CEP70: variants seen among roughly 807,000 people sequenced by gnomAD.
CEP70 encodes centrosomal protein 70.
Under a neutral mutation model 90.9 loss-of-function variants are expected in CEP70, and 70 were observed. That is an observed-to-expected ratio of 0.77 (90% CI 0.64 to 0.94). CEP70 has a LOEUF of 0.94. Ranked by LOEUF, CEP70 falls within the 40% of genes least tolerant of loss-of-function variation. CEP70 has a pLI of 0.00. For missense variants in CEP70, 648 were observed against 669.0 expected (o/e 0.97, Z 0.35); for synonymous variants, 220 against 228.3 (o/e 0.96, Z 0.33).
At chr3:138,560,259 G>T (rs1033481379) in intron 6 of CEP70, among the ~76,000 whole-genome samples, 2 of 152,168 alleles carry the variant, frequency 1.3e-5, no homozygotes, top group African/African-American at 4.8e-5. Flanking sequence ...AACACAAGGG[G>T]TTAGAGAACT....
chr3:138,498,125 C>T lies in CEP70; in HGVS notation c.1653-15G>A, dbSNP rs1214707084. 3 of 1,606,298 alleles carry T rather than the reference C, an allele frequency of 1.9e-6. No individual in the cohort carries two copies. The highest frequency in any genetic ancestry group is 2.6e-6 in the Non-Finnish European group (3 of 1,175,004). On this transcript the variant is annotated splice_polypyrimidine_tract_variant and intron_variant, in intron 16 of 17. Transcript: ENST00000264982. ...TGTAGATAATGCTGTTTAAAAAATG[C>T]ACAATTTAAACCTGATTTCTAACTT...
Position 138,529,368 on chromosome 3 carries a change from C to T in CEP70, c.780+7G>A. On this transcript the variant is annotated splice_region_variant and intron_variant, in intron 9 of 17. Transcript: ENST00000264982. ...AAAAGTATTTATTAGTTATGCAGTC[C>T]CCATACCATTAAAAGGCCTTTATAA... is the stretch of plus-strand genomic sequence containing the variant. The T allele has an allele frequency of 6.3e-7, 1 of 1,593,758 alleles. No individual in the cohort carries two copies.
chr3:138,574,844 C>G (rs2108185024), intron 2 of CEP70, among the ~76,000 whole-genome samples: 1 of 152,310 alleles, frequency 6.6e-6, no homozygotes, highest in South Asian at 2.1e-4. Context: ...TCCCACAGAC[C>G]TGCAGCTGAG....
In CEP70 at chr3:138,508,426, A is replaced by G. The variant is rs1204414899; in HGVS notation, c.1050+13T>C. 6.6e-7 allele frequency: 1 copy of G among 1,525,354 alleles called. No homozygotes were observed. The highest frequency in any genetic ancestry group is 2.3e-5 in the East Asian group (1 of 44,404). The allele number at this position is 1,525,354 out of a possible 1,614,324, so 94.5% of individuals were successfully genotyped here. On this transcript the variant is annotated intron_variant, in intron 12 of 17. Coordinates refer to ENST00000264982, the MANE Select transcript of CEP70 (RefSeq NM_024491.4). The stretch of plus-strand genomic sequence containing the variant: ...AACATCAGTCTTTTTGTCATGAAAA[A>G]TCAATTCAATACCTGAAAGTATCTC...
At chr3:138,548,111 C>A (rs2039353516) in intron 6 of CEP70, among the ~76,000 whole-genome samples, 1 of 152,044 alleles carries the variant, frequency 6.6e-6, no homozygotes, top group Non-Finnish European at 1.5e-5. Context: ...AATATGAATG[C>A]AAAAATCCTG....
chr3:138,496,121 G>T lies in CEP70; in HGVS notation c.1733-1045C>A, dbSNP rs1045143173. ...TATCCAGATCCCAGCCCTACTTAAG[G>T]TAAGCCACAATGGCAGGTTCTCTAG... On this transcript the variant is annotated intron_variant, in intron 17 of 17. Transcript: ENST00000264982. The T allele has an allele frequency of 3.0e-6, 3 of 985,222 alleles. No individual in the cohort carries two copies. The Admixed American group carries it at 1.8e-4, about 61-fold the overall frequency. 61.0% of individuals were successfully genotyped at this position (985,222 alleles called of 1,614,324 possible).
At chr3:138,549,919 G>A (rs189552186) in intron 6 of CEP70, among the ~76,000 whole-genome samples, 6 of 152,252 alleles carry the variant, frequency 3.9e-5, no homozygotes, top group Admixed American at 3.3e-4. Context: ...GTACCAGCCT[G>A]GAGCCTGGTA....
intron 2 of CEP70, among the ~76,000 whole-genome samples, chr3:138,578,760 T>C (rs1047866369): frequency 1.3e-5 from 2 of 152,194 alleles, no homozygotes; most frequent in Non-Finnish European, 2.9e-5. Context: ...TACATAAAAG[T>C]GAGCAAAGAA....
intron 6 of CEP70, among the ~76,000 whole-genome samples, chr3:138,540,064 C>G (rs368287089): frequency 1.3e-5 from 2 of 152,076 alleles, no homozygotes; most frequent in African/African-American, 2.4e-5. Context: ...ACTATGCATC[C>G]GACAAAGGTC....
At chr3:138,550,513 G>A (rs1371330253) in intron 6 of CEP70, among the ~76,000 whole-genome samples, 1 of 152,128 alleles carries the variant, frequency 6.6e-6, no homozygotes, top group Non-Finnish European at 1.5e-5. Context: ...ACAGGCATGT[G>A]CCACCACGCT....
intron 2 of CEP70, among the ~76,000 whole-genome samples, chr3:138,574,599 A>G (rs955338246): frequency 2.0e-5 from 3 of 152,224 alleles, no homozygotes; most frequent in Non-Finnish European, 4.4e-5. Flanking sequence ...TGGTTCTCCC[A>G]GCATGGTGTT....
At chr3:138,545,069 C>T (rs536152403) in intron 6 of CEP70, among the ~76,000 whole-genome samples, 2 of 152,114 alleles carry the variant, frequency 1.3e-5, no homozygotes, top group African/African-American at 4.8e-5. Flanking sequence ...ATTCTAATGT[C>T]TCCAACATAA....
intron 2 of CEP70, among the ~76,000 whole-genome samples, chr3:138,582,023 T>A (rs1225140709): frequency 6.6e-6 from 1 of 152,192 alleles, no homozygotes; most frequent in Non-Finnish European, 1.5e-5. Flanking sequence ...CAAACATGAA[T>A]GAGCAATAAG....
intron 13 of CEP70, among the ~76,000 whole-genome samples, chr3:138,504,155 A>C (rs80292569): frequency 0.17 from 26,114 of 152,114 alleles, 3,060 homozygotes; most frequent in Non-Finnish European, 0.26. Context: ...GATTGAGGAA[A>C]TACCATGATT....
chr3:138,570,311 T>A lies in CEP70; in HGVS notation c.465+7A>T. On this transcript the variant is annotated splice_region_variant and intron_variant, in intron 6 of 17. Coordinates refer to ENST00000264982, the MANE Select transcript of CEP70 (RefSeq NM_024491.4). The stretch of plus-strand genomic sequence containing the variant: ...TAACCATCATCTAAGAATTCATAAC[T>A]CAGTACCTGTAAAGTTTTCTGCTCC... The A allele has an allele frequency of 1.3e-6, 2 of 1,554,228 alleles. No homozygotes were observed. Among genetic ancestry groups the A allele is most frequent in the Non-Finnish European group, 1.7e-6 (2 of 1,148,520 alleles).
intron 2 of CEP70, among the ~76,000 whole-genome samples, chr3:138,575,027 A>C (rs970290885): frequency 6.6e-6 from 1 of 152,182 alleles, no homozygotes; most frequent in African/African-American, 2.4e-5. Flanking sequence ...AATTCCAAAA[A>C]TCAAAGCGCC....
intron 2 of CEP70, among the ~76,000 whole-genome samples, chr3:138,586,071 C>T (rs2042090821): frequency 6.6e-6 from 1 of 152,140 alleles, no homozygotes; most frequent in South Asian, 2.1e-4. Context: ...GCAAAGGAAA[C>T]AACAAAGTGA....
At chr3:138,564,013 G>C (rs2040600410) in intron 6 of CEP70, among the ~76,000 whole-genome samples, 2 of 152,204 alleles carry the variant, frequency 1.3e-5, no homozygotes, top group South Asian at 4.2e-4. Context: ...TGATAAAGGG[G>C]ATATCCCCAC....
chr3:138,534,771 G>A (rs2038119249), intron 7 of CEP70, among the ~76,000 whole-genome samples: 1 of 152,134 alleles, frequency 6.6e-6, no homozygotes, highest in Admixed American at 6.5e-5. Flanking sequence ...GATGACTGAA[G>A]GTGCCTAAGT....
Sources: gnomAD v4.1 joint callset for allele counts (sites outside exome capture counted in the v4.1 genomes callset) on GRCh38, gnomAD v4.1.1 for gene constraint, MANE v1.5 for transcripts, NCBI Gene and HGNC (gene_info 2026-07-23, HGNC 2026-07-21) for gene names.